The following GRID2 variants were observed in gnomAD, a reference collection of about 807,000 sequenced individuals.
The protein encoded by GRID2 is glutamate receptor ionotropic, delta-2.
Under a neutral mutation model 114.8 loss-of-function variants are expected in GRID2, and 33 were observed. That is an observed-to-expected ratio of 0.29 (90% CI 0.22 to 0.38). The LOEUF (loss-of-function observed/expected upper bound fraction) is 0.38. Ranked by LOEUF, GRID2 falls within the 10% of genes least tolerant of loss-of-function variation. The pLI, the probability that GRID2 is intolerant of heterozygous loss-of-function variation, is 1.00. For synonymous variants in GRID2, 505 were observed against 449.9 expected, an observed-to-expected ratio of 1.12 and a Z score of -1.55; for missense variants, 1,184 against 1,257.7, an observed-to-expected ratio of 0.94 and a Z score of 0.89.
chr4:92,616,785 A>G (rs939398183), intron 2 of GRID2, among the ~76,000 whole-genome samples: 28 of 151,504 alleles, frequency 1.8e-4, no homozygotes, highest in African/African-American at 6.8e-4. Context: ...ATTATAGCAT[A>G]TTAGGTTTGC....
chr4:93,361,533 A>G (rs905787133), intron 8 of GRID2, among the ~76,000 whole-genome samples: 2 of 151,276 alleles, frequency 1.3e-5, no homozygotes, highest in East Asian at 1.9e-4. Context: ...ATTAGAGCCT[A>G]TCTCTCTGCT....
chr4:92,519,087 T>A (rs2149138073), intron 1 of GRID2, among the ~76,000 whole-genome samples: 1 of 151,958 alleles, frequency 6.6e-6, no homozygotes, highest in Admixed American at 6.6e-5. Context: ...ATAAGGGAAA[T>A]AAATATGCAT....
chr4:92,305,732 A>G (rs1725366842), intron 1 of GRID2, among the ~76,000 whole-genome samples: 1 of 152,146 alleles, frequency 6.6e-6, no homozygotes, highest in Non-Finnish European at 1.5e-5. Context: ...TATCATGCAC[A>G]GCGCTCGCAG....
chr4:92,650,352 T>C (rs963374035), intron 2 of GRID2, among the ~76,000 whole-genome samples: 2 of 152,070 alleles, frequency 1.3e-5, no homozygotes, highest in Admixed American at 6.6e-5. Context: ...GATCTTCATA[T>C]CTGAATAGCC....
At chr4:93,052,616 A>C (rs1459733542) in intron 2 of GRID2, among the ~76,000 whole-genome samples, 1 of 152,008 alleles carries the variant, frequency 6.6e-6, no homozygotes, top group Non-Finnish European at 1.5e-5. Context: ...ATACAGTATT[A>C]CAATGTTACG....
intron 13 of GRID2, among the ~76,000 whole-genome samples, chr4:93,518,821 C>T (rs750828492): frequency 3.3e-5 from 5 of 151,926 alleles, no homozygotes; most frequent in Non-Finnish European, 5.9e-5. Context: ...GAGGGTCAGC[C>T]AGTACAAAGG....
chr4:92,415,708 GTA>G (rs1241825521), intron 1 of GRID2, among the ~76,000 whole-genome samples: 14 of 119,804 alleles, frequency 1.2e-4, no homozygotes, highest in South Asian at 2.7e-4. Flanking sequence ...GCATGCGCAT[GTA>G]TGTGTGTGTG....
intron 2 of GRID2, among the ~76,000 whole-genome samples, chr4:92,651,289 C>A (rs1246683815): frequency 6.6e-6 from 1 of 152,026 alleles, no homozygotes; most frequent in Non-Finnish European, 1.5e-5. Context: ...GGTGCCACAT[C>A]AGGGACTCAG....
intron 4 of GRID2, chr4:93,112,018 A>C (rs1190977975): frequency 3.9e-5 from 6 of 152,208 alleles, no homozygotes; most frequent in Non-Finnish European, 8.8e-5. Context: ...TGAGTTCAGC[A>C]AATGACTTAG....
intron 4 of GRID2, among the ~76,000 whole-genome samples, chr4:93,141,902 G>C (rs1735802104): frequency 6.6e-6 from 1 of 152,162 alleles, no homozygotes; most frequent in Non-Finnish European, 1.5e-5. Context: ...AAGGGATTTG[G>C]ACAGTTGGAA....
chr4:92,515,108 A>G (rs1724438964), intron 1 of GRID2, among the ~76,000 whole-genome samples: 1 of 151,746 alleles, frequency 6.6e-6, no homozygotes, highest in Admixed American at 6.6e-5. Context: ...ATGTTGTTAT[A>G]TTTTTATATT....
chr4:93,110,020 T>G (rs1030859912), intron 3 of GRID2, among the ~76,000 whole-genome samples: 1 of 152,164 alleles, frequency 6.6e-6, no homozygotes. Flanking sequence ...ATGTAAATAT[T>G]TTGCTGATCA....
At chr4:92,351,965 T>C (rs1026307921) in intron 1 of GRID2, among the ~76,000 whole-genome samples, 8 of 151,838 alleles carry the variant, frequency 5.3e-5, no homozygotes, top group African/African-American at 1.2e-4. Context: ...ACAATAAATA[T>C]GGGGGGCAGA....
chr4:92,961,540 T>C (rs1394535999), intron 2 of GRID2, among the ~76,000 whole-genome samples: 3 of 151,852 alleles, frequency 2.0e-5, no homozygotes, highest in East Asian at 1.9e-4. Flanking sequence ...AAGTCAGATA[T>C]AATTTTATCT....
chr4:93,471,518 G>C (rs948034810), intron 11 of GRID2, among the ~76,000 whole-genome samples: 13 of 151,790 alleles, frequency 8.6e-5, no homozygotes, highest in African/African-American at 2.9e-4. Context: ...TAGTACTTTT[G>C]ATCTTTGATT....
chr4:92,957,658 A>G (rs552398821), intron 2 of GRID2, among the ~76,000 whole-genome samples: 14 of 151,850 alleles, frequency 9.2e-5, no homozygotes, highest in Non-Finnish European at 1.0e-4. Flanking sequence ...CTTCATAAAA[A>G]CTTCCGAATC....
chr4:93,733,647 C>T (rs914730889), intron 14 of GRID2, among the ~76,000 whole-genome samples: 7 of 152,076 alleles, frequency 4.6e-5, no homozygotes, highest in African/African-American at 1.7e-4. Flanking sequence ...CCAAACATTT[C>T]AGTGCTTGAG....
At chr4:93,020,712 A>G (rs1037263659) in intron 2 of GRID2, among the ~76,000 whole-genome samples, 5 of 152,264 alleles carry the variant, frequency 3.3e-5, no homozygotes, top group Admixed American at 1.3e-4. Context: ...CCCAATGTCT[A>G]TATTTAAAAT....
Position 93,697,865 on chromosome 4 carries a change from G to GTATATATATATATA in GRID2, c.2361-71344_2361-71343insATATATATATATAT, listed in dbSNP as rs574552355. Among the ~76,000 whole-genome samples the GTATATATATATATA allele has an allele frequency of 7.8e-3, 584 of 74,864 alleles. 14 individuals are homozygous for GTATATATATATATA. The highest frequency in any genetic ancestry group is 0.02 in the African/African-American group (548 of 27,702). The allele number at this position is 74,864 out of a possible 152,430, so 49.1% of individuals were successfully genotyped here. A position where few individuals can be genotyped will look rare whatever the true frequency, so the allele number is the denominator to read the frequency against. On this transcript the variant is annotated intron_variant, in intron 14 of 15. Transcript: ENST00000282020. ...TGGCTCAATTTAGTCATTCCACAAT[G>GTATATATATATATA]TGTGTATATATATATTTCAAAACAA...
Sources: allele counts gnomAD v4.1 joint callset (sites outside exome capture counted in the v4.1 genomes callset), GRCh38; gene constraint gnomAD v4.1.1; transcripts MANE v1.5; gene names NCBI Gene and HGNC (gene_info 2026-07-23, HGNC 2026-07-21).